Variants in SDK1 observed in about 807,000 individuals in gnomAD.
SDK1 encodes the protein protein sidekick-1.
SDK1 carries 157 observed loss-of-function variants against 245.5 expected under a neutral mutation model. That is an observed-to-expected ratio of 0.64 (90% CI 0.56 to 0.73). The LOEUF (loss-of-function observed/expected upper bound fraction) is 0.73. Among genes scored for constraint, SDK1 ranks in the 30% least tolerant of loss-of-function variants. SDK1 has a pLI of 0.00. For synonymous variants in SDK1, 1,647 were observed against 1,278.5 expected (o/e 1.29, Z -6.15); for missense variants, 3,583 against 3,002.3 (o/e 1.19, Z -4.52).
At chr7:3,403,642 C>G (rs1024735450) in intron 1 of SDK1, among the ~76,000 whole-genome samples, 1 of 151,036 alleles carries the variant, frequency 6.6e-6, no homozygotes, top group Non-Finnish European at 1.5e-5. Context: ...GATATGGAGA[C>G]TCAGTATCCT....
At chr7:3,403,866 T>TATATATAA (rs1562466232) in intron 1 of SDK1, among the ~76,000 whole-genome samples, 26 of 115,692 alleles carry the variant, frequency 2.2e-4, no homozygotes, top group Non-Finnish European at 2.9e-4. Context: ...TATATATATA[T>TATATATAA]ATAATATATA....
At chr7:3,792,913 A>G (rs768187763) in intron 4 of SDK1, among the ~76,000 whole-genome samples, 10 of 152,204 alleles carry the variant, frequency 6.6e-5, no homozygotes, top group Non-Finnish European at 1.5e-4. Context: ...TAGAAAGCTT[A>G]ATGAGTGCAT....
intron 4 of SDK1, among the ~76,000 whole-genome samples, chr7:3,760,056 A>G (rs976213841): frequency 6.6e-6 from 1 of 152,182 alleles, no homozygotes; most frequent in African/African-American, 2.4e-5. Context: ...TTGACTGCAC[A>G]AAAGAGCATT....
intron 1 of SDK1, among the ~76,000 whole-genome samples, chr7:3,345,367 A>G (rs921973684): frequency 6.6e-6 from 1 of 152,244 alleles, no homozygotes; most frequent in East Asian, 1.9e-4. Flanking sequence ...ACCTTTTAAT[A>G]TAAACGTAGT....
chr7:4,002,977 G>A (rs759156978), intron 14 of SDK1, among the ~76,000 whole-genome samples: 6 of 152,212 alleles, frequency 3.9e-5, no homozygotes, highest in Non-Finnish European at 8.8e-5. Context: ...GCAGCTCATG[G>A]AGCCCTAGCC....
intron 13 of SDK1, among the ~76,000 whole-genome samples, chr7:3,981,472 ATGAAGCTTAG>A (rs77705782): frequency 0.46 from 69,635 of 151,606 alleles, 17,346 homozygotes; most frequent in South Asian, 0.66. Flanking sequence ...ACTGGAAATG[ATGAAGCTTAG>A]TAAGGAAGGC....
chr7:3,468,733 A>G (rs566531227), intron 1 of SDK1, among the ~76,000 whole-genome samples: 255 of 152,274 alleles, frequency 1.7e-3, no homozygotes, highest in African/African-American at 6.0e-3. Flanking sequence ...TCTCTGTTCA[A>G]TAGTATTTCT....
intron 33 of SDK1, among the ~76,000 whole-genome samples, chr7:4,175,044 C>T (rs879527625): frequency 2.0e-5 from 3 of 152,230 alleles, no homozygotes; most frequent in South Asian, 2.1e-4. Flanking sequence ...GGTGCCCTCC[C>T]GCTTTCTGCC....
intron 17 of SDK1, among the ~76,000 whole-genome samples, chr7:4,048,723 C>G (rs968651812): frequency 1.3e-5 from 2 of 152,196 alleles, no homozygotes; most frequent in Admixed American, 6.5e-5. Context: ...TACAGTTACA[C>G]GAGCATGTCC....
At chr7:3,601,284 T>G (rs907980047) in intron 1 of SDK1, among the ~76,000 whole-genome samples, 1 of 152,212 alleles carries the variant, frequency 6.6e-6, no homozygotes, top group Non-Finnish European at 1.5e-5. Context: ...CAAAATTATG[T>G]ACATTGGTGT....
rs186965516 is a variant in SDK1 at position 3,608,572 on chromosome 7, C to T, written c.299-10508C>T. ...ATGCCCACCATGAGCTTGACACTTT[C>T]GCATTATTTAAGGAGGTGTCTGATG... On this transcript the variant is annotated intron_variant, in intron 1 of 44. Transcript: ENST00000404826. Among the ~76,000 whole-genome samples, 710 of 152,210 alleles carry T rather than the reference C, an allele frequency of 4.7e-3. 4 individuals are homozygous for T. The highest frequency in any genetic ancestry group is 6.8e-3 in the Admixed American group (104 of 15,294).
intron 1 of SDK1, among the ~76,000 whole-genome samples, chr7:3,552,268 C>T (rs530373934): frequency 6.6e-6 from 1 of 152,086 alleles, no homozygotes; most frequent in African/African-American, 2.4e-5. Flanking sequence ...CGATCGATCT[C>T]CTGACCTTGT....
chr7:3,606,889 T>G (rs922538025), intron 1 of SDK1, among the ~76,000 whole-genome samples: 2 of 152,082 alleles, frequency 1.3e-5, no homozygotes, highest in African/African-American at 4.8e-5. Flanking sequence ...ACACAACTTA[T>G]GAAAAAAGTT....
rs1006303164 is a variant in SDK1 at position 3,892,502 on chromosome 7, C to G, written c.848-58421C>G. On this transcript the variant is annotated intron_variant, in intron 5 of 44. Coordinates refer to ENST00000404826, the MANE Select transcript of SDK1 (RefSeq NM_152744.4). The stretch of plus-strand genomic sequence containing the variant: ...CCTCCCACAAGTCATATGGCAAGCC[C>G]AAGGTTAATGGGGTGAGCCTGTACC... 2.6e-5 allele frequency among the ~76,000 whole-genome samples: 4 copies of G among 152,146 alleles called. No homozygotes were observed. In the South Asian group the frequency reaches 8.3e-4, roughly 32 times the overall value.
chr7:3,373,826 T>C (rs1781288357), intron 1 of SDK1, among the ~76,000 whole-genome samples: 1 of 152,190 alleles, frequency 6.6e-6, no homozygotes, highest in South Asian at 2.1e-4. Flanking sequence ...GTAGCTTTTG[T>C]ATATATTAAC....
chr7:3,720,168 A>G (rs1316828512), intron 4 of SDK1, among the ~76,000 whole-genome samples: 1 of 152,126 alleles, frequency 6.6e-6, no homozygotes, highest in African/African-American at 2.4e-5. Context: ...AGGGAGGGGA[A>G]TTGCTTGAAC....
At chr7:3,968,436 GA>G (rs1782242327) in intron 10 of SDK1, among the ~76,000 whole-genome samples, 2 of 152,134 alleles carry the variant, frequency 1.3e-5, no homozygotes, top group South Asian at 4.1e-4. Flanking sequence ...CTTCCTTCTG[GA>G]AAACCACCTG....
At chr7:3,983,974 A>G (rs925971000) in intron 13 of SDK1, among the ~76,000 whole-genome samples, 3 of 152,192 alleles carry the variant, frequency 2.0e-5, no homozygotes, top group African/African-American at 7.2e-5. Flanking sequence ...TGCCGCCTAC[A>G]CTAAACGCCT....
At chr7:3,589,949 A>C (rs564516854) in intron 1 of SDK1, among the ~76,000 whole-genome samples, 142 of 152,214 alleles carry the variant, frequency 9.3e-4, no homozygotes, top group Non-Finnish European at 1.7e-3. Context: ...TGTGCTGTGC[A>C]TGTCACAGCC....
Sources: allele counts gnomAD v4.1 joint callset (sites outside exome capture counted in the v4.1 genomes callset), GRCh38; gene constraint gnomAD v4.1.1; transcripts MANE v1.5; gene names NCBI Gene and HGNC (gene_info 2026-07-23, HGNC 2026-07-21).